The following TACR1 variants were observed in gnomAD, a reference collection of about 807,000 sequenced individuals.
The protein encoded by TACR1 is tachykinin receptor 1.
TACR1 carries 25 observed loss-of-function variants against 35.8 expected under a neutral mutation model. The observed-to-expected ratio is 0.70, with a 90% CI of 0.51 to 0.98. The LOEUF (loss-of-function observed/expected upper bound fraction) is 0.98. Among genes scored for constraint, TACR1 ranks in the 50% least tolerant of loss-of-function variants. TACR1 has a pLI of 0.00. For synonymous variants in TACR1, 195 were observed against 206.7 expected, an observed-to-expected ratio of 0.94 and a Z score of 0.48; for missense variants, 478 against 522.9, an observed-to-expected ratio of 0.91 and a Z score of 0.84.
intron 2 of TACR1, among the ~76,000 whole-genome samples, chr2:75,103,825 T>C (rs538997191): frequency 1.3e-5 from 2 of 152,262 alleles, no homozygotes; most frequent in South Asian, 2.1e-4. Flanking sequence ...TAAGTTGTTA[T>C]CAGTTTCAAA....
chr2:75,132,768 T>C (rs1440876128), intron 1 of TACR1, among the ~76,000 whole-genome samples: 1 of 152,230 alleles, frequency 6.6e-6, no homozygotes, highest in Non-Finnish European at 1.5e-5. Flanking sequence ...CTGAGAATAC[T>C]TCCAGACTGG....
chr2:75,046,979 A>G lies in TACR1; in HGVS notation c.*2453T>C, dbSNP rs1185836910. The stretch of plus-strand genomic sequence containing the variant: ...TAGAATAAGAATGTGACCCATGCAC[A>G]GTACAAATCATGGTGTTTCTTACAT... On this transcript the variant is annotated 3_prime_UTR_variant, in exon 5 of 5. Transcript: ENST00000305249. The G allele has an allele frequency of 6.6e-6, 1 of 152,232 alleles. No homozygotes were observed. The highest frequency in any genetic ancestry group is 1.5e-5 in the Non-Finnish European group (1 of 68,050). 9.4% of individuals were successfully genotyped at this position (152,232 alleles called of 1,614,324 possible).
At chr2:75,175,290 A>C (rs1229041452) in intron 1 of TACR1, among the ~76,000 whole-genome samples, 2 of 152,202 alleles carry the variant, frequency 1.3e-5, no homozygotes, top group Non-Finnish European at 2.9e-5. Context: ...CCCACGCCCC[A>C]AATGATTTTT....
chr2:75,153,885 G>T (rs1310696858), intron 1 of TACR1, among the ~76,000 whole-genome samples: 2 of 151,046 alleles, frequency 1.3e-5, no homozygotes, highest in African/African-American at 2.5e-5. Context: ...ATTCTAATCA[G>T]ATTCATTAAA....
chr2:75,147,095 C>T (rs1674530720), intron 1 of TACR1, among the ~76,000 whole-genome samples: 1 of 152,218 alleles, frequency 6.6e-6, no homozygotes, highest in Non-Finnish European at 1.5e-5. Flanking sequence ...GAGTAGGATT[C>T]CTGTTCCAGT....
intron 2 of TACR1, among the ~76,000 whole-genome samples, chr2:75,096,183 C>T (rs1245178193): frequency 6.6e-6 from 1 of 152,148 alleles, no homozygotes; most frequent in Non-Finnish European, 1.5e-5. Flanking sequence ...TCATGAAATC[C>T]CTCTCCTTTC....
chr2:75,082,285 G>A (rs909456598), intron 2 of TACR1, among the ~76,000 whole-genome samples: 3 of 152,154 alleles, frequency 2.0e-5, no homozygotes, highest in Non-Finnish European at 4.4e-5. Context: ...ATTCCATGGT[G>A]TATATGTGCC....
chr2:75,059,361 C>T (rs1308686830), intron 2 of TACR1, among the ~76,000 whole-genome samples: 1 of 152,192 alleles, frequency 6.6e-6, no homozygotes, highest in Admixed American at 6.5e-5. Context: ...ACAAGACTAC[C>T]CAGTAATTCC....
At position 75,198,664 on chromosome 2, in the gene TACR1, T is replaced by C; in HGVS notation, c.271A>G (p.Thr91Ala). The change falls in exon 1 of 5, where the codon ACC becomes GCC. Residue 91 changes from threonine to alanine, a missense_variant. Coordinates refer to ENST00000305249, the MANE Select transcript of TACR1 (RefSeq NM_001058.4). The part of the protein sequence containing the change: ...MAAFNTVVNF[T>A]YAVHNEWYYG... ...TACCATTCGTTGTGGACAGCATAGG[T>C]GAAGTTCACCACTGTATTGAATGCA... The C allele has an allele frequency of 2.5e-6, 4 of 1,614,120 alleles. No individual in the cohort carries two copies. The highest frequency in any genetic ancestry group is 3.4e-6 in the Non-Finnish European group (4 of 1,180,022).
At chr2:75,096,443 C>A (rs1175130076) in intron 2 of TACR1, among the ~76,000 whole-genome samples, 1 of 152,086 alleles carries the variant, frequency 6.6e-6, no homozygotes, top group Non-Finnish European at 1.5e-5. Flanking sequence ...CCTGGCATCA[C>A]CAGTTGTGTG....
Position 75,049,314 on chromosome 2 carries a change from C to CT in TACR1, c.*117dup. On this transcript the variant is annotated 3_prime_UTR_variant, in exon 5 of 5. Transcript: ENST00000305249. ...ATGTTTTCCCTAACCCATACTGACC[C>CT]TTTTTGCAAGTCCCAGTGTGAGGGT... 1 of 1,198,852 alleles carries CT rather than the reference C, an allele frequency of 8.3e-7. No individual in the cohort carries two copies. The highest frequency in any genetic ancestry group is 1.2e-6 in the Non-Finnish European group (1 of 860,330). 74.3% of individuals were successfully genotyped at this position (1,198,852 alleles called of 1,614,324 possible).
At chr2:75,170,904 A>G (rs969533443) in intron 1 of TACR1, among the ~76,000 whole-genome samples, 2 of 152,154 alleles carry the variant, frequency 1.3e-5, no homozygotes, top group Admixed American at 6.5e-5. Context: ...AGTCACAAAG[A>G]TATGGTTTGG....
intron 1 of TACR1, among the ~76,000 whole-genome samples, chr2:75,182,495 C>A (rs994431506): frequency 6.6e-6 from 1 of 152,182 alleles, no homozygotes; most frequent in Non-Finnish European, 1.5e-5. Context: ...TACAGCCATG[C>A]GCCACAAAAC....
intron 1 of TACR1, among the ~76,000 whole-genome samples, chr2:75,160,132 A>G (rs1674968413): frequency 6.6e-6 from 1 of 152,226 alleles, no homozygotes; most frequent in Non-Finnish European, 1.5e-5. Context: ...GAATTGTACC[A>G]GCAGTTATGT....
chr2:75,174,590 G>T (rs1041634095), intron 1 of TACR1, among the ~76,000 whole-genome samples: 2 of 152,206 alleles, frequency 1.3e-5, no homozygotes, highest in African/African-American at 4.8e-5. Context: ...CTGGTTGACC[G>T]TGGGTAACTG....
intron 2 of TACR1, among the ~76,000 whole-genome samples, chr2:75,080,446 T>C (rs937933880): frequency 6.6e-6 from 1 of 152,198 alleles, no homozygotes; most frequent in African/African-American, 2.4e-5. Context: ...ATTCCCACAA[T>C]CACTGTCCCA....
At chr2:75,121,406 C>T (rs181135171) in intron 1 of TACR1, among the ~76,000 whole-genome samples, 17 of 152,322 alleles carry the variant, frequency 1.1e-4, no homozygotes, top group African/African-American at 4.1e-4. Flanking sequence ...CTGAGGCAGA[C>T]AGACTAGAGT....
In TACR1 at chr2:75,198,999, G is replaced by A. The variant is rs1676067364; in HGVS notation, c.-65C>T. On this transcript the variant is annotated 5_prime_UTR_variant, in exon 1 of 5. Transcript: ENST00000305249. Reference sequence around the variant, plus strand: ...CCCCCCTCTGCAGCAGAGTCCTGTGGCTGGCGCCTGGGGCTCAGGGTCCTT... The same window carrying A: ...CCCCCCTCTGCAGCAGAGTCCTGTGACTGGCGCCTGGGGCTCAGGGTCCTT... 1.9e-6 allele frequency: 3 copies of A among 1,560,222 alleles called. No individual in the cohort carries two copies. The South Asian group carries it at 3.7e-5, about 19-fold the overall frequency.
At position 75,158,163 on chromosome 2, in the gene TACR1, T is replaced by G. The variant is rs375000434; in HGVS notation, c.390-37395A>C. Among the ~76,000 whole-genome samples, 22 of 152,312 alleles carry G rather than the reference T, an allele frequency of 1.4e-4. No individual in the cohort carries two copies. In the South Asian group the frequency reaches 1.5e-3, roughly 10 times the overall value. Reference sequence around the variant, plus strand: ...GGTCCTCCAACACTTTTTACTATCTTTGGATCTGATTCACTTCGGGTAAAT... The same window carrying G: ...GGTCCTCCAACACTTTTTACTATCTGTGGATCTGATTCACTTCGGGTAAAT... On this transcript the variant is annotated intron_variant, in intron 1 of 4. Coordinates refer to ENST00000305249, the MANE Select transcript of TACR1 (RefSeq NM_001058.4).
Sources: gnomAD v4.1 joint callset for allele counts (sites outside exome capture counted in the v4.1 genomes callset) on GRCh38, gnomAD v4.1.1 for gene constraint, MANE v1.5 for transcripts, NCBI Gene and HGNC (gene_info 2026-07-23, HGNC 2026-07-21) for gene names.